KANSL1: variants seen among roughly 807,000 people sequenced by gnomAD.
The protein encoded by KANSL1 is KAT8 regulatory NSL complex subunit 1.
A neutral mutation model predicts 103.6 loss-of-function variants in KANSL1; 22 were observed. The ratio of observed to expected loss-of-function variants is 0.21; its 90% CI spans 0.15 to 0.30. The LOEUF is 0.30. KANSL1 is among the 10% of genes least tolerant of loss of function. KANSL1 has a pLI of 1.00. For synonymous variants in KANSL1, 600 were observed against 527.6 expected (o/e 1.14, Z -1.88); for missense variants, 1,337 against 1,399.8 (o/e 0.96, Z 0.72).
chr17:46,173,412 A>G (rs2046377522), intron 1 of KANSL1, among the ~76,000 whole-genome samples: 1 of 152,202 alleles, frequency 6.6e-6, no homozygotes, highest in South Asian at 2.1e-4. Context: ...GCTTTTATTT[A>G]GTAACCAAGC....
intron 1 of KANSL1, among the ~76,000 whole-genome samples, chr17:46,175,303 CTTA>C (rs1468400575): frequency 1.4e-5 from 2 of 146,232 alleles, no homozygotes; most frequent in Admixed American, 6.9e-5. Flanking sequence ...TCGAATCTGT[CTTA>C]TTGCTGTGTG....
intron 1 of KANSL1, among the ~76,000 whole-genome samples, chr17:46,181,493 G>T (rs1232197961): frequency 6.6e-6 from 1 of 151,828 alleles, no homozygotes. Flanking sequence ...GCGATGGCGC[G>T]ATCTCCGCTC....
At chr17:46,216,530 C>T (rs1171410236) in intron 1 of KANSL1, among the ~76,000 whole-genome samples, 1 of 146,306 alleles carries the variant, frequency 6.8e-6, no homozygotes, top group Non-Finnish European at 1.5e-5. Context: ...ACCCAGGAGA[C>T]GGAGGTTGCA....
chr17:46,174,630 G>A (rs2046435671), intron 1 of KANSL1, among the ~76,000 whole-genome samples: 1 of 152,248 alleles, frequency 6.6e-6, no homozygotes, highest in South Asian at 2.1e-4. Context: ...TGAATGTCAG[G>A]AAATCATGCA....
At chr17:46,032,904 T>C (rs1161823276) in intron 13 of KANSL1, 176 bp downstream of exon 13, 2 of 593,852 alleles carry the variant, frequency 3.4e-6, no homozygotes, top group Admixed American at 3.2e-5. Context: ...ACTAGTTCCA[T>C]GTATCTCCAC....
At chr17:46,046,962 TGGCAAGGGAA>T (rs1169295353) in intron 7 of KANSL1, among the ~76,000 whole-genome samples, 4 of 151,734 alleles carry the variant, frequency 2.6e-5, no homozygotes, top group Non-Finnish European at 4.4e-5. Flanking sequence ...ATAAATCCAA[TGGCAAGGGAA>T]GGTAAAAGTC....
At chr17:46,067,744 T>G in intron 4 of KANSL1, 77 bp from the exon 5 acceptor site, 1 of 741,992 alleles carries the variant, frequency 1.3e-6, no homozygotes, top group Non-Finnish European at 2.4e-6. Context: ...CCACTTCATT[T>G]GCACAAAGCA....
chr17:46,044,040 C>A (rs963499011), intron 7 of KANSL1: 1 of 149,154 alleles, frequency 6.7e-6, no homozygotes, highest in Non-Finnish European at 1.5e-5. Context: ...AGTTCATATA[C>A]TAACTAGTAA....
intron 2 of KANSL1, among the ~76,000 whole-genome samples, chr17:46,141,185 T>G (rs1223772764): frequency 6.6e-6 from 1 of 152,238 alleles, no homozygotes; most frequent in Non-Finnish European, 1.5e-5. Flanking sequence ...GTTTATCTGG[T>G]TCTTTGAACT....
intron 2 of KANSL1, among the ~76,000 whole-genome samples, chr17:46,110,852 GCA>G (rs748401632): frequency 1.3e-5 from 2 of 152,186 alleles, no homozygotes; most frequent in South Asian, 2.1e-4. Flanking sequence ...GAATAAAAAT[GCA>G]CAGTCAGAAA....
intron 6 of KANSL1, among the ~76,000 whole-genome samples, chr17:46,062,113 A>AAAC (rs2078187360): frequency 2.8e-5 from 1 of 36,144 alleles, no homozygotes; most frequent in Non-Finnish European, 5.4e-5. Context: ...AAAAAAACAA[A>AAAC]CAAACAAAAA....
At chr17:46,206,083 C>CAAA (rs71226716) in intron 1 of KANSL1, among the ~76,000 whole-genome samples, 7 of 89,582 alleles carry the variant, frequency 7.8e-5, no homozygotes, top group African/African-American at 1.5e-4. Flanking sequence ...CTGTGTCCCC[C>CAAA]AAAAAAAAAA....
At chr17:46,109,446 C>A (rs1249134768) in intron 2 of KANSL1, among the ~76,000 whole-genome samples, 8 of 152,096 alleles carry the variant, frequency 5.3e-5, no homozygotes, top group African/African-American at 1.9e-4. Context: ...TGGCAGATTT[C>A]GATTCTGCCA....
At chr17:46,078,890 T>C (rs1270357198) in intron 4 of KANSL1, among the ~76,000 whole-genome samples, 3 of 152,068 alleles carry the variant, frequency 2.0e-5, no homozygotes, top group Non-Finnish European at 2.9e-5. Flanking sequence ...TCAAAAGGAG[T>C]CTTAAATTTC....
intron 10 of KANSL1, chr17:46,035,146 GTT>G (rs2077111416): frequency 6.6e-6 from 1 of 152,262 alleles, no homozygotes; most frequent in African/African-American, 2.4e-5. Flanking sequence ...TGCCCAGATA[GTT>G]AATACCCTAT....
In KANSL1 at chr17:46,031,299, C is replaced by CA; in HGVS notation, c.*176dup. The CA allele has an allele frequency of 1.4e-6, 1 of 693,780 alleles. No individual in the cohort carries two copies. The highest frequency in any genetic ancestry group is 2.7e-5 in the East Asian group (1 of 36,586). The allele number at this position is 693,780 out of a possible 1,614,324, so 43.0% of individuals were successfully genotyped here. The stretch of plus-strand genomic sequence containing the variant: ...GGTGTGTGACAAGAAAACATGGAAA[C>CA]AAAAACAAAACAAAAATTAAAACAA... On this transcript the variant is annotated 3_prime_UTR_variant, in exon 15 of 15. Coordinates refer to ENST00000432791, the MANE Select transcript of KANSL1 (RefSeq NM_015443.4).
At chr17:46,149,945 C>T (rs922320118) in intron 2 of KANSL1, among the ~76,000 whole-genome samples, 2 of 151,712 alleles carry the variant, frequency 1.3e-5, no homozygotes, top group Non-Finnish European at 2.9e-5. Flanking sequence ...TGGTGTGAAC[C>T]CAGGAGGTGG....
At chr17:46,067,435 T>C in intron 5 of KANSL1, 114 bp downstream of exon 5, 1 of 721,186 alleles carries the variant, frequency 1.4e-6, no homozygotes. Context: ...TGTTACTAAG[T>C]GATAAGGCTT....
intron 2 of KANSL1, among the ~76,000 whole-genome samples, chr17:46,121,172 CT>C (rs1260512175): frequency 1.3e-5 from 2 of 150,212 alleles, no homozygotes; most frequent in East Asian, 4.3e-4. Context: ...TAGTAGCCCC[CT>C]AACTCTTTTT....
Sources: gnomAD v4.1 joint callset for allele counts (sites outside exome capture counted in the v4.1 genomes callset) on GRCh38, gnomAD v4.1.1 for gene constraint, MANE v1.5 for transcripts, NCBI Gene and HGNC (gene_info 2026-07-23, HGNC 2026-07-21) for gene names.